Variants in PKD1L1 observed in about 807,000 individuals in gnomAD.
PKD1L1 encodes polycystin-1-like protein 1.
A neutral mutation model predicts 323.4 loss-of-function variants in PKD1L1; 236 were observed. The observed-to-expected ratio is 0.73, with a 90% confidence interval of 0.66 to 0.81. The LOEUF (loss-of-function observed/expected upper bound fraction) is 0.81, where lower values mean the gene tolerates loss of function less well. Among genes scored for constraint, PKD1L1 ranks in the 40% least tolerant of loss-of-function variants. The pLI, the probability that PKD1L1 is intolerant of heterozygous loss-of-function variation, is 0.00. For synonymous variants in PKD1L1, 1,344 were observed against 1,335.0 expected (o/e 1.01, Z -0.15); for missense variants, 3,320 against 3,508.0 (o/e 0.95, Z 1.35).
At chr7:47,848,978 T>C (rs547688189) in intron 31 of PKD1L1, among the ~76,000 whole-genome samples, 3 of 152,150 alleles carry the variant, frequency 2.0e-5, no homozygotes, top group Non-Finnish European at 4.4e-5. Context: ...CAACACAGCA[T>C]GCTACTGGCA....
intron 9 of PKD1L1, among the ~76,000 whole-genome samples, chr7:47,907,566 T>G (rs1236613345): frequency 1.3e-5 from 2 of 152,140 alleles, no homozygotes; most frequent in African/African-American, 4.8e-5. Flanking sequence ...AATGGATATT[T>G]TGTCCTTCAT....
Position 47,775,117 on chromosome 7 carries a change from A to G in PKD1L1, c.*26T>C, listed in dbSNP as rs1786538851. Reference sequence around the variant, plus strand: ...GTGGGTTAAGCAAAACAGGGTCCATAGTGCCTATGCAAGGTACCAGGCTCC... The same window carrying G: ...GTGGGTTAAGCAAAACAGGGTCCATGGTGCCTATGCAAGGTACCAGGCTCC... On this transcript the variant is annotated 3_prime_UTR_variant, in exon 57 of 57. Coordinates refer to ENST00000289672, the MANE Select transcript of PKD1L1 (RefSeq NM_138295.5). 1 of 1,612,990 alleles carries G rather than the reference A, an allele frequency of 6.2e-7. No individual in the cohort carries two copies.
chr7:47,810,081 A>G (rs1281715031), intron 50 of PKD1L1, among the ~76,000 whole-genome samples: 1 of 152,156 alleles, frequency 6.6e-6, no homozygotes, highest in African/African-American at 2.4e-5. Context: ...TTACCTGTTG[A>G]TTCATGCCTT....
At chr7:47,915,663 G>A in intron 7 of PKD1L1, 64 bp from the exon 8 acceptor site, 9 of 1,014,354 alleles carry the variant, frequency 8.9e-6, no homozygotes, top group African/African-American at 3.3e-5. Context: ...GGGAAAATGT[G>A]GAATAAACAA....
intron 23 of PKD1L1, among the ~76,000 whole-genome samples, chr7:47,874,291 C>T (rs536007101): frequency 1.3e-5 from 2 of 152,234 alleles, no homozygotes; most frequent in East Asian, 1.9e-4. Context: ...TTTTAAAAGA[C>T]ATAAGACCTA....
In PKD1L1 at chr7:47,815,415, G is replaced by A. The variant is rs1562943485; in HGVS notation, c.7008C>T (p.Asp2336=). Residue 2336 remains aspartate, a synonymous_variant, in exon 47 of 57, where the codon GAC becomes GAT. Coordinates refer to ENST00000289672, the MANE Select transcript of PKD1L1 (RefSeq NM_138295.5). ...GTGTGGTCAGACTCCAGTCCCACCA[G>A]TCAGCGATGTTTCTCAGGCCACCCA... ...NCLGGLRNIA[D]WWDWSLTTLL... 3 of 1,613,994 alleles carry A rather than the reference G, an allele frequency of 1.9e-6. No homozygotes were observed. The highest frequency in any genetic ancestry group is 2.5e-6 in the Non-Finnish European group (3 of 1,179,984).
At chr7:47,850,554 C>A (rs1172921448) in intron 31 of PKD1L1, among the ~76,000 whole-genome samples, 1 of 148,586 alleles carries the variant, frequency 6.7e-6, no homozygotes, top group South Asian at 2.1e-4. Flanking sequence ...ATCGCTTGAA[C>A]CCAGGAGGCA....
chr7:47,898,123 A>C lies in PKD1L1; in HGVS notation c.2136T>G (p.Gly712=), dbSNP rs1268477868. 3.1e-6 allele frequency: 5 copies of C among 1,614,046 alleles called. No individual in the cohort carries two copies. The highest frequency in any genetic ancestry group is 4.2e-6 in the Non-Finnish European group (5 of 1,180,028). ...EAAVFCDISQ[G]LSYTWNLMDS... Reference sequence around the variant, plus strand: ...CCATCAAGTTCCAGGTGTAAGAAAGACCTTGGGAAATATCACAGAAGACTG... The same window carrying C: ...CCATCAAGTTCCAGGTGTAAGAAAGCCCTTGGGAAATATCACAGAAGACTG... The change falls in exon 14 of 57, where the codon GGT becomes GGG. Residue 712 remains glycine (G), a synonymous_variant. Coordinates refer to ENST00000289672, the MANE Select transcript of PKD1L1 (RefSeq NM_138295.5).
chr7:47,947,761 A>T (rs1352491670), intron 1 of PKD1L1, among the ~76,000 whole-genome samples: 1 of 152,168 alleles, frequency 6.6e-6, no homozygotes, highest in Non-Finnish European at 1.5e-5. Context: ...AGGTCAGGAG[A>T]TCGAGACCAT....
chr7:47,948,946 AAAACAAAATG>A (rs1404046440), upstream of PKD1L1, among the ~76,000 whole-genome samples: 2 of 152,038 alleles, frequency 1.3e-5, no homozygotes, highest in Non-Finnish European at 2.9e-5. Context: ...CTCTGCCTCA[AAAACAAAATG>A]AAACAAAACA....
Position 47,811,151 on chromosome 7 carries a change from CTTCT to C in PKD1L1, c.7581+662_7581+665del, listed in dbSNP as rs769751856. On this transcript the variant is annotated intron_variant, in intron 50 of 56. Coordinates refer to ENST00000289672, the MANE Select transcript of PKD1L1 (RefSeq NM_138295.5). ...TGGGAGTGTGGGAAGTAAATGTCTC[CTTCT>C]TTTTTTTTTTTTTTTTTAGACGGAG... 3.0e-3 allele frequency among the ~76,000 whole-genome samples: 263 copies of C among 87,918 alleles called. 2 individuals carry two copies. Among genetic ancestry groups the C allele is most frequent in the African/African-American group, 9.5e-3 (195 of 20,592 alleles). 57.7% of individuals were successfully genotyped at this position (87,918 alleles called of 152,430 possible). A position where few individuals can be genotyped will look rare whatever the true frequency, so the allele number is the denominator to read the frequency against.
chr7:47,831,643 G>C (rs778112054), intron 41 of PKD1L1, among the ~76,000 whole-genome samples: 3 of 152,170 alleles, frequency 2.0e-5, no homozygotes, highest in Non-Finnish European at 4.4e-5. Flanking sequence ...ACTCCTGCCC[G>C]ACTGCTGAGC....
intron 13 of PKD1L1, among the ~76,000 whole-genome samples, chr7:47,900,761 C>G (rs569678841): frequency 3.5e-4 from 53 of 152,070 alleles, no homozygotes; most frequent in African/African-American, 1.2e-3. Context: ...AAAAAGAAAA[C>G]TGGCAACAAC....
At chr7:47,808,646 G>A (rs941372111) in intron 51 of PKD1L1, among the ~76,000 whole-genome samples, 2 of 152,172 alleles carry the variant, frequency 1.3e-5, no homozygotes, top group East Asian at 3.8e-4. Flanking sequence ...GCGTGTTCCT[G>A]TACTGAATAC....
In PKD1L1 at chr7:47,813,988, G is replaced by T; in HGVS notation, c.7116C>A (p.Tyr2372Ter). Residue 2372 changes from tyrosine to a stop codon, truncating the protein, a stop_gained, in exon 48 of 57, where the codon TAC becomes TAA. Coordinates refer to ENST00000289672, the MANE Select transcript of PKD1L1 (RefSeq NM_138295.5). LOFTEE classifies it high-confidence loss of function. The part of the protein sequence containing the change: ...AQPGALGGKC[Y>*]LIGSSVIRQL... Reference sequence around the variant, plus strand: ...GCCTAATTACGGAACTGCCTATTAGGTAGCATTTTCCTCCAAGAGCTCCAG... The same window carrying T: ...GCCTAATTACGGAACTGCCTATTAGTTAGCATTTTCCTCCAAGAGCTCCAG... 6.2e-7 allele frequency: 1 copy of T among 1,614,048 alleles called. No individual in the cohort carries two copies. Among genetic ancestry groups the T allele is most frequent in the Non-Finnish European group, 8.5e-7 (1 of 1,180,014 alleles).
chr7:47,816,470 A>T (rs996418234), intron 46 of PKD1L1, among the ~76,000 whole-genome samples: 4 of 152,192 alleles, frequency 2.6e-5, no homozygotes, highest in Non-Finnish European at 4.4e-5. Context: ...AAAGGATAAA[A>T]TCAAGTGTTC....
chr7:47,808,774 C>T (rs575454098), intron 51 of PKD1L1, among the ~76,000 whole-genome samples: 28 of 152,100 alleles, frequency 1.8e-4, no homozygotes, highest in Non-Finnish European at 3.2e-4. Flanking sequence ...TCAGCACTTA[C>T]GATGAATGGC....
intron 46 of PKD1L1, among the ~76,000 whole-genome samples, chr7:47,817,357 A>G (rs1480254827): frequency 1.3e-5 from 2 of 152,160 alleles, no homozygotes; most frequent in Non-Finnish European, 2.9e-5. Context: ...CACCACAAAG[A>G]CTATGTTTAC....
chr7:47,928,531 C>T (rs1261373621), intron 7 of PKD1L1, among the ~76,000 whole-genome samples: 1 of 152,064 alleles, frequency 6.6e-6, no homozygotes, highest in Non-Finnish European at 1.5e-5. Flanking sequence ...GATTGCGCCA[C>T]TGCACTCCAG....
Sources: allele counts gnomAD v4.1 joint callset (sites outside exome capture counted in the v4.1 genomes callset), GRCh38; gene constraint gnomAD v4.1.1; transcripts MANE v1.5; gene names NCBI Gene and HGNC (gene_info 2026-07-23, HGNC 2026-07-21).